The following PLCB4 variants were observed in gnomAD, a reference collection of about 807,000 sequenced individuals.
PLCB4 encodes phospholipase C beta 4.
Under a neutral mutation model 178.8 loss-of-function variants are expected in PLCB4, and 77 were observed. The observed-to-expected ratio is 0.43, with a 90% CI of 0.36 to 0.52. The LOEUF (loss-of-function observed/expected upper bound fraction) is 0.52. Among genes scored for constraint, PLCB4 ranks in the 20% least tolerant of loss-of-function variants. The pLI, the probability that PLCB4 is intolerant of heterozygous loss-of-function variation, is 0.00. For synonymous variants in PLCB4, 496 were observed against 490.8 expected (o/e 1.01, Z -0.14); for missense variants, 1,024 against 1,453.4 (o/e 0.70, Z 4.80).
chr20:9,122,344 G>GT (rs201259127), intron 2 of PLCB4, among the ~76,000 whole-genome samples: 10 of 149,946 alleles, frequency 6.7e-5, no homozygotes, highest in East Asian at 3.9e-4. Flanking sequence ...ATACAATCCT[G>GT]TTTTTTTTTC....
intron 4 of PLCB4, among the ~76,000 whole-genome samples, chr20:9,328,036 C>T (rs2030996672): frequency 6.6e-6 from 1 of 152,148 alleles, no homozygotes; most frequent in South Asian, 2.1e-4. Flanking sequence ...ATGTTTCTCT[C>T]ACCTTCCACA....
chr20:9,082,097 T>G (rs1051680172), intron 1 of PLCB4, among the ~76,000 whole-genome samples: 1 of 113,550 alleles, frequency 8.8e-6, no homozygotes, highest in Admixed American at 8.7e-5. Context: ...CAGTGTGTTA[T>G]AACCTGGAAT....
intron 4 of PLCB4, among the ~76,000 whole-genome samples, chr20:9,314,469 A>G (rs2094875900): frequency 6.6e-6 from 1 of 152,132 alleles, no homozygotes; most frequent in Non-Finnish European, 1.5e-5. Context: ...GAATAAGTGT[A>G]GAATGAGGTT....
intron 1 of PLCB4, among the ~76,000 whole-genome samples, chr20:9,080,547 G>T (rs1423449848): frequency 6.6e-6 from 1 of 152,062 alleles, no homozygotes; most frequent in Non-Finnish European, 1.5e-5. Flanking sequence ...GATTCCAAGG[G>T]TTTGGTTGTC....
intron 2 of PLCB4, among the ~76,000 whole-genome samples, chr20:9,165,015 G>A (rs867357613): frequency 9.2e-5 from 14 of 152,090 alleles, no homozygotes; most frequent in Middle Eastern, 3.2e-3. Flanking sequence ...GTTTTTTATG[G>A]TTACTTCTAG....
chr20:9,205,749 C>A (rs2093607322), intron 2 of PLCB4, among the ~76,000 whole-genome samples: 1 of 152,232 alleles, frequency 6.6e-6, no homozygotes, highest in Non-Finnish European at 1.5e-5. Flanking sequence ...TCCCAAGGAT[C>A]TCTGTGCCAC....
At chr20:9,154,287 G>A (rs1206443617) in intron 2 of PLCB4, among the ~76,000 whole-genome samples, 4 of 152,280 alleles carry the variant, frequency 2.6e-5, no homozygotes, top group Non-Finnish European at 5.9e-5. Flanking sequence ...TCACATCTCA[G>A]TGCAGGAGAG....
intron 2 of PLCB4, among the ~76,000 whole-genome samples, chr20:9,138,117 G>A (rs2092419769): frequency 1.3e-5 from 2 of 152,078 alleles, no homozygotes; most frequent in Admixed American, 1.3e-4. Flanking sequence ...GGGTCTTGAA[G>A]GATGATAATG....
chr20:9,371,205 C>T lies in PLCB4; in HGVS notation c.504-9C>T, dbSNP rs886754606. 1.3e-6 allele frequency: 2 copies of T among 1,561,994 alleles called. No homozygotes were observed. Among genetic ancestry groups the T allele is most frequent in the Admixed American group, 1.7e-5 (1 of 59,914 alleles). ...ACTGGAATGTGTGTTTCTTTCTTTT[C>T]TGCCCTAGTATTACTAGAACATTTG... On this transcript the variant is annotated splice_polypyrimidine_tract_variant and intron_variant, in intron 9 of 39. Transcript: ENST00000378473.
chr20:9,401,307 G>A (rs909614143), intron 19 of PLCB4, among the ~76,000 whole-genome samples, 183 bp from the exon 20 acceptor site: 5 of 152,300 alleles, frequency 3.3e-5, no homozygotes, highest in Middle Eastern at 3.4e-3. Context: ...GCTCCTTGAC[G>A]TTGAATAGGT....
chr20:9,117,200 G>A (rs904739384), intron 2 of PLCB4, among the ~76,000 whole-genome samples: 5 of 152,046 alleles, frequency 3.3e-5, no homozygotes, highest in African/African-American at 1.2e-4. Flanking sequence ...GAACACATGG[G>A]AAGTTCCTGA....
intron 1 of PLCB4, among the ~76,000 whole-genome samples, chr20:9,087,130 A>T (rs1395588320): frequency 2.0e-5 from 3 of 152,208 alleles, no homozygotes; most frequent in Non-Finnish European, 4.4e-5. Flanking sequence ...CTATTCCGAT[A>T]ATCTTTGCCA....
At chr20:9,408,962 C>T in intron 23 of PLCB4, 95 bp from the exon 24 acceptor site, 3 of 1,097,944 alleles carry the variant, frequency 2.7e-6, no homozygotes, top group Non-Finnish European at 4.0e-6. Context: ...ACTTGTTTGT[C>T]ATTGTTGGCC....
chr20:9,327,461 G>C (rs1489619849), intron 4 of PLCB4, among the ~76,000 whole-genome samples: 1 of 151,756 alleles, frequency 6.6e-6, no homozygotes, highest in Non-Finnish European at 1.5e-5. Flanking sequence ...CCGGATGACA[G>C]CAAAATTCTG....
intron 3 of PLCB4, among the ~76,000 whole-genome samples, chr20:9,262,279 AG>A (rs1358839999): frequency 6.6e-6 from 1 of 152,128 alleles, no homozygotes; most frequent in Non-Finnish European, 1.5e-5. Context: ...TCAACATGAG[AG>A]AATAGATGAG....
In PLCB4 at chr20:9,243,769, A is replaced by G. The variant is rs544724955; in HGVS notation, c.-16+26317A>G. Reference sequence around the variant, plus strand: ...CATGGATTCAAATCCCAGCTGTGCCACTTCCTAGCCTCCTGCAACCTTTGG... The same window carrying G: ...CATGGATTCAAATCCCAGCTGTGCCGCTTCCTAGCCTCCTGCAACCTTTGG... On this transcript the variant is annotated intron_variant, in intron 3 of 39. Transcript: ENST00000378473. Among the ~76,000 whole-genome samples the G allele has an allele frequency of 5.6e-4, 86 of 152,324 alleles. 1 individual carries two copies. The South Asian group carries it at 9.1e-3, about 16-fold the overall frequency.
intron 35 of PLCB4, among the ~76,000 whole-genome samples, 183 bp from the exon 36 acceptor site, chr20:9,468,388 A>T (rs1253325197): frequency 1.3e-5 from 2 of 152,174 alleles, no homozygotes; most frequent in African/African-American, 2.4e-5. Context: ...TATATATATA[A>T]AATGTAAACT....
chr20:9,249,315 C>A (rs1414506413), intron 3 of PLCB4, among the ~76,000 whole-genome samples: 1 of 151,916 alleles, frequency 6.6e-6, no homozygotes, highest in Non-Finnish European at 1.5e-5. Context: ...TGGTGTGCTG[C>A]ACCCATTTTT....
chr20:9,086,055 G>A (rs1275448409), intron 1 of PLCB4, among the ~76,000 whole-genome samples: 4 of 152,076 alleles, frequency 2.6e-5, no homozygotes, highest in South Asian at 2.1e-4. Context: ...TGTTAATTAT[G>A]TGGCTTCATT....
Sources: gnomAD v4.1 joint callset for allele counts (sites outside exome capture counted in the v4.1 genomes callset) on GRCh38, gnomAD v4.1.1 for gene constraint, MANE v1.5 for transcripts, NCBI Gene and HGNC (gene_info 2026-07-23, HGNC 2026-07-21) for gene names.